Variants in KARS1 observed in about 807,000 individuals in gnomAD.
The protein encoded by KARS1 is lysyl-tRNA synthetase 1, also known as lysine--tRNA ligase.
KARS1 carries 50 observed loss-of-function variants against 63.9 expected under a neutral mutation model. The ratio of observed to expected loss-of-function variants is 0.78; its 90% CI spans 0.62 to 0.99. The LOEUF is 0.99. Ranked by LOEUF, KARS1 falls within the 50% of genes least tolerant of loss-of-function variation. The pLI is 0.00. For missense variants in KARS1, 816 were observed against 754.5 expected (o/e 1.08, Z -0.95); for synonymous variants, 320 against 264.6 (o/e 1.21, Z -2.03).
chr16:75,630,311 C>A, intron 11 of KARS1, 112 bp downstream of exon 11: 1 of 734,040 alleles, frequency 1.4e-6, no homozygotes, highest in Non-Finnish European at 2.4e-6. Flanking sequence ...TTACCCTGGT[C>A]AACACCACCC....
chr16:75,638,227 T>TA (rs1460927083), intron 3 of KARS1, among the ~76,000 whole-genome samples: 20 of 152,062 alleles, frequency 1.3e-4, no homozygotes, highest in African/African-American at 4.6e-4. Context: ...CTTTTTTTTT[T>TA]TTTATTTTAC....
At position 75,627,855 on chromosome 16, in the gene KARS1, GCAAAGACGC is replaced by G. The variant is rs759971006; in HGVS notation, c.*31_*39del. 8.7e-7 allele frequency: 1 copy of G among 1,149,032 alleles called. No homozygotes were observed. The highest frequency in any genetic ancestry group is 1.7e-5 in the Admixed American group (1 of 59,482). The allele number at this position is 1,149,032 out of a possible 1,614,324, so 71.2% of individuals were successfully genotyped here. On this transcript the variant is annotated 3_prime_UTR_variant, in exon 14 of 14. Transcript: ENST00000302445. The stretch of plus-strand genomic sequence containing the variant: ...GCAGACCTTGATCTTTCGCAGAAAT[GCAAAGACGC>G]CTGAGTTATACAACTTGCAATTATT...
At position 75,643,338 on chromosome 16, in the gene KARS1, G is replaced by A. The variant is rs149490018; in HGVS notation, c.63-1615C>T. ...ATCCTTCATTTTCGATATGAATTTA[G>A]AATAACTTTAAAAAATGAATTGAGG... On this transcript the variant is annotated intron_variant, in intron 1 of 13. Transcript: ENST00000302445. Among the ~76,000 whole-genome samples, 1,374 of 150,700 alleles carry A rather than the reference G, an allele frequency of 9.1e-3. 9 individuals carry two copies. The highest frequency in any genetic ancestry group is 0.013 in the Non-Finnish European group (893 of 67,790).
chr16:75,630,670 C>G (rs1314291972), intron 10 of KARS1, among the ~76,000 whole-genome samples, 162 bp from the exon 11 acceptor site: 1 of 151,918 alleles, frequency 6.6e-6, no homozygotes, highest in Non-Finnish European at 1.5e-5. Flanking sequence ...GAGTCTCGCT[C>G]TGTCGCCCAG....
At chr16:75,634,850 C>T (rs891258242) in intron 6 of KARS1, among the ~76,000 whole-genome samples, 1 of 152,178 alleles carries the variant, frequency 6.6e-6, no homozygotes, top group Admixed American at 6.5e-5. Flanking sequence ...GCTGGGATTA[C>T]AGGTGTGAGC....
intron 11 of KARS1, 94 bp from the exon 12 acceptor site, chr16:75,629,635 T>C: frequency 1.5e-6 from 2 of 1,344,424 alleles, no homozygotes; most frequent in Non-Finnish European, 2.1e-6. Context: ...AGTCTCGCTC[T>C]GTCACGCAGG....
At position 75,635,793 on chromosome 16, in the gene KARS1, G is replaced by A. The variant is rs574836321; in HGVS notation, c.682C>T (p.Arg228Cys). The A allele has an allele frequency of 8.1e-6, 13 of 1,614,188 alleles. No individual in the cohort carries two copies. The highest frequency in any genetic ancestry group is 6.7e-5 in the Admixed American group (4 of 60,030). Residue 228 changes from arginine (R) to cysteine (C), a missense_variant, in exon 6 of 14, where the codon CGC becomes TGC. Transcript: ENST00000302445. Reference protein sequence around the residue: ...FGLKDKETRYRQRYLDLILND... With the variant: ...FGLKDKETRYCQRYLDLILND... ...AGGATCAAGTCCAAGTATCTCTGGCGATACCTTGTTTCCTAAACCAAAAGC... is the reference window on the plus strand; with the variant it reads ...AGGATCAAGTCCAAGTATCTCTGGCAATACCTTGTTTCCTAAACCAAAAGC...
chr16:75,645,718 G>A (rs944257731), intron 1 of KARS1, among the ~76,000 whole-genome samples: 2 of 151,978 alleles, frequency 1.3e-5, no homozygotes, highest in African/African-American at 4.8e-5. Flanking sequence ...GTTGTGGCAT[G>A]CACCTGTAGT....
At chr16:75,634,036 A>G (rs1289538152) in intron 7 of KARS1, 137 bp downstream of exon 7, 9 of 907,572 alleles carry the variant, frequency 9.9e-6, no homozygotes, top group East Asian at 2.5e-5. Context: ...ACTCACATCC[A>G]CACACCTGAC....
At chr16:75,636,571 C>G (rs758638213) in intron 3 of KARS1, 24 bp from the exon 4 acceptor site, 7 of 1,393,942 alleles carry the variant, frequency 5.0e-6, no homozygotes, top group Non-Finnish European at 7.1e-6. Context: ...AGCAAAAATA[C>G]TGACTGACAG....
intron 3 of KARS1, among the ~76,000 whole-genome samples, chr16:75,638,097 GC>G (rs1206133431): frequency 6.6e-6 from 1 of 151,988 alleles, no homozygotes; most frequent in Non-Finnish European, 1.5e-5. Context: ...AAAGCACTGG[GC>G]TCACATACCA....
intron 1 of KARS1, among the ~76,000 whole-genome samples, chr16:75,643,872 C>T (rs1005506349): frequency 6.6e-6 from 1 of 152,210 alleles, no homozygotes; most frequent in Non-Finnish European, 1.5e-5. Flanking sequence ...TAAGATAAAT[C>T]TGTTTTCCAC....
Position 75,634,117 on chromosome 16 carries a change from G to C in KARS1, c.915+56C>G, listed in dbSNP as rs139177840. The C allele has an allele frequency of 3.5e-4, 558 of 1,584,638 alleles. 6 individuals carry two copies. The East Asian group carries it at 0.012, about 34-fold the overall frequency. On this transcript the variant is annotated intron_variant, in intron 7 of 13. Transcript: ENST00000302445. ...ATTTCTGACTATACCCATCTAGCCAGTGGTATTCCAGCTTTCTGCTTCTTT... is the reference window on the plus strand; with the variant it reads ...ATTTCTGACTATACCCATCTAGCCACTGGTATTCCAGCTTTCTGCTTCTTT...
intron 7 of KARS1, among the ~76,000 whole-genome samples, chr16:75,633,660 G>C (rs2082134195): frequency 1.3e-5 from 2 of 152,086 alleles, no homozygotes; most frequent in Admixed American, 6.6e-5. Flanking sequence ...TGGGATTACA[G>C]GCACATGCCA....
chr16:75,645,512 GA>G (rs1396060668), intron 1 of KARS1, among the ~76,000 whole-genome samples: 1 of 152,252 alleles, frequency 6.6e-6, no homozygotes, highest in Non-Finnish European at 1.5e-5. Flanking sequence ...GCCTGGCACA[GA>G]AAAGCTGGTC....
rs1217096077 is a variant in KARS1 at position 75,629,522 on chromosome 16, G to C, written c.1444C>G (p.Leu482Val). ...ACAAACAGCTCAAAGCGCTCAGTCA[G>C]ACCCTCTTTAGAGCGGTGCCTAGGG... Reference protein sequence around the residue: ...LAKWHRSKEGLTERFELFVMK... With the variant: ...LAKWHRSKEGVTERFELFVMK... Residue 482 changes from leucine to valine, a missense_variant, in exon 12 of 14, where the codon CTG becomes GTG. By Grantham distance (32) the Leu-to-Val change is conservative. Transcript: ENST00000302445. 6.2e-7 allele frequency: 1 copy of C among 1,614,006 alleles called. No homozygotes were observed. The highest frequency in any genetic ancestry group is 8.5e-7 in the Non-Finnish European group (1 of 1,179,988).
chr16:75,634,203 A>G lies in KARS1; in HGVS notation c.885T>C (p.Tyr295=). ...GATAGAGTTCTGGAGCAATTCTCATATATAAGTTCATGTCCAGCTCGTTGT... is the reference window on the plus strand; with the variant it reads ...GATAGAGTTCTGGAGCAATTCTCATGTATAAGTTCATGTCCAGCTCGTTGT... ...TYHNELDMNL[Y]MRIAPELYHK... is the part of the protein sequence containing the mutation. The change falls in exon 7 of 14, where the codon TAT becomes TAC. Residue 295 remains tyrosine, a synonymous_variant. Transcript: ENST00000302445. The G allele has an allele frequency of 6.2e-7, 1 of 1,614,010 alleles. No homozygotes were observed. Among genetic ancestry groups the G allele is most frequent in the South Asian group, 1.1e-5 (1 of 91,082 alleles).
intron 11 of KARS1, among the ~76,000 whole-genome samples, chr16:75,630,150 C>T (rs1220785917): frequency 6.6e-6 from 1 of 152,188 alleles, no homozygotes; most frequent in East Asian, 1.9e-4. Context: ...CCCCTTAGAG[C>T]CCAACCACCA....
In KARS1 at chr16:75,640,303, T is replaced by G; in HGVS notation, c.269A>C (p.Asn90Thr). 6.2e-7 allele frequency: 1 copy of G among 1,613,644 alleles called. No individual in the cohort carries two copies. Among genetic ancestry groups the G allele is most frequent in the Non-Finnish European group, 8.5e-7 (1 of 1,179,934 alleles). The change falls in exon 3 of 14, where the codon AAT (asparagine) becomes ACT (threonine). Residue 90 changes from asparagine (N) to threonine (T), a missense_variant. Physicochemically the swap from Asn to Thr is moderately conservative, Grantham distance 65 (BLOSUM62 0). Coordinates refer to ENST00000302445, the MANE Select transcript of KARS1 (RefSeq NM_005548.3). ...CTTGTGTGGGTATGGGTCTTCCCCA[T>G]TGACCTTCAGCTGATGAATTGCTTG... ...RSQAIHQLKV[N>T]GEDPYPHKFH...
Sources: allele counts gnomAD v4.1 joint callset (sites outside exome capture counted in the v4.1 genomes callset), GRCh38; gene constraint gnomAD v4.1.1; transcripts MANE v1.5; gene names NCBI Gene and HGNC (gene_info 2026-07-23, HGNC 2026-07-21).